Variants in CNTN5 observed in about 807,000 individuals in gnomAD.
The protein encoded by CNTN5 is contactin 5.
A neutral mutation model predicts 129.1 loss-of-function variants in CNTN5; 77 were observed. The ratio of observed to expected loss-of-function variants is 0.60; its 90% CI spans 0.50 to 0.72. The LOEUF is 0.72. CNTN5 is among the 30% of genes least tolerant of loss of function. The probability of loss-of-function intolerance (pLI) is 0.00; values close to 1 mark genes in which losing one functional copy is unlikely to be tolerated. For synonymous variants in CNTN5, 509 were observed against 465.6 expected (o/e 1.09, Z -1.20); for missense variants, 1,478 against 1,328.8 (o/e 1.11, Z -1.75).
intron 21 of CNTN5, among the ~76,000 whole-genome samples, chr11:100,339,353 TGGA>T (rs771959291): frequency 5.3e-5 from 8 of 151,976 alleles, no homozygotes; most frequent in Non-Finnish European, 7.4e-5. Flanking sequence ...TGGCTCTCAG[TGGA>T]GAAGGGAGCT....
At chr11:99,674,045 A>G (rs979487645) in intron 3 of CNTN5, among the ~76,000 whole-genome samples, 1 of 152,144 alleles carries the variant, frequency 6.6e-6, no homozygotes, top group Non-Finnish European at 1.5e-5. Flanking sequence ...TGTTTTCCAC[A>G]ATGGTTGAAC....
chr11:100,217,068 C>G (rs563820385), intron 15 of CNTN5, among the ~76,000 whole-genome samples: 36 of 152,276 alleles, frequency 2.4e-4, no homozygotes, highest in African/African-American at 8.7e-4. Flanking sequence ...TCTTTCCACA[C>G]TAAAATCATT....
chr11:99,560,733 T>C (rs138729242), intron 3 of CNTN5, among the ~76,000 whole-genome samples: 113 of 152,280 alleles, frequency 7.4e-4, no homozygotes, highest in Non-Finnish European at 1.2e-3. Context: ...TTTTTTCCCA[T>C]GTCAGCACTC....
chr11:99,052,604 A>G (rs930792502), intron 1 of CNTN5, among the ~76,000 whole-genome samples: 4 of 151,922 alleles, frequency 2.6e-5, no homozygotes, highest in African/African-American at 9.7e-5. Context: ...TTCGTGAAAC[A>G]TGACTGTATT....
intron 9 of CNTN5, among the ~76,000 whole-genome samples, chr11:100,057,615 G>T (rs1323048893): frequency 6.6e-6 from 1 of 151,710 alleles, no homozygotes; most frequent in Non-Finnish European, 1.5e-5. Flanking sequence ...TTTGCATTTT[G>T]GAGGAATAAA....
chr11:99,746,435 G>C lies in CNTN5; in HGVS notation c.56-73109G>C, dbSNP rs114720814. On this transcript the variant is annotated intron_variant, in intron 3 of 24. Coordinates refer to ENST00000524871, the MANE Select transcript of CNTN5 (RefSeq NM_014361.4). ...TTGTGATCCACTAGTCTACATGAAG[G>C]GTCCTCCACCCCCAGTCACAGACCA... Among the ~76,000 whole-genome samples, 818 of 152,196 alleles carry C rather than the reference G, an allele frequency of 5.4e-3. 13 individuals are homozygous for C. Among genetic ancestry groups the C allele is most frequent in the African/African-American group, 0.017 (712 of 41,516 alleles).
chr11:99,608,029 A>G, intron 3 of CNTN5, among the ~76,000 whole-genome samples: 1 of 145,436 alleles, frequency 6.9e-6, no homozygotes, highest in East Asian at 2.1e-4. Context: ...GCAGCGCACC[A>G]GCATGGCACA....
chr11:99,486,565 A>G (rs2036546), intron 2 of CNTN5, among the ~76,000 whole-genome samples: 149,790 of 152,262 alleles, frequency 0.98, 73,743 homozygotes, highest in East Asian at 1. Flanking sequence ...ATGGTTTAAT[A>G]TGAATTAAAG....
chr11:100,141,020 C>G (rs933700201), intron 13 of CNTN5, among the ~76,000 whole-genome samples: 1 of 151,950 alleles, frequency 6.6e-6, no homozygotes, highest in African/African-American at 2.4e-5. Flanking sequence ...GAAGTATTGT[C>G]GGCAGGAAAA....
intron 9 of CNTN5, among the ~76,000 whole-genome samples, chr11:100,021,328 A>C (rs1052072037): frequency 2.6e-5 from 4 of 152,124 alleles, no homozygotes; most frequent in African/African-American, 9.7e-5. Flanking sequence ...CAAATAGCTT[A>C]AGTTGGTTGA....
chr11:99,312,116 A>G (rs553251172), intron 1 of CNTN5, among the ~76,000 whole-genome samples: 9 of 152,302 alleles, frequency 5.9e-5, no homozygotes, highest in African/African-American at 2.2e-4. Context: ...AGTACAGAAA[A>G]TGTGTTCTGA....
intron 3 of CNTN5, 58 bp from the exon 4 acceptor site, chr11:99,819,486 G>GA (rs1198760414): frequency 3.4e-6 from 5 of 1,459,758 alleles, no homozygotes; most frequent in South Asian, 1.2e-5. Context: ...ATCTTCATAA[G>GA]AAAAAAATAA....
intron 1 of CNTN5, among the ~76,000 whole-genome samples, chr11:99,116,692 C>A (rs1858061956): frequency 6.6e-6 from 1 of 152,030 alleles, no homozygotes; most frequent in Non-Finnish European, 1.5e-5. Context: ...AGAGTATTAT[C>A]TCATCAATGT....
chr11:99,859,216 T>A (rs148441629), intron 6 of CNTN5, among the ~76,000 whole-genome samples: 1 of 152,338 alleles, frequency 6.6e-6, no homozygotes, highest in African/African-American at 2.4e-5. Context: ...AATTTTGAGA[T>A]CAGACTATTG....
At chr11:99,452,199 G>C (rs1944327966) in intron 2 of CNTN5, among the ~76,000 whole-genome samples, 1 of 151,866 alleles carries the variant, frequency 6.6e-6, no homozygotes, top group Admixed American at 6.6e-5. Flanking sequence ...AATGTATACT[G>C]TAAAATACTG....
At chr11:100,128,388 G>A (rs1406835689) in intron 13 of CNTN5, among the ~76,000 whole-genome samples, 3 of 152,184 alleles carry the variant, frequency 2.0e-5, no homozygotes, top group Non-Finnish European at 4.4e-5. Flanking sequence ...CATTGTTCAT[G>A]TTTATTTCAA....
chr11:99,768,525 T>C (rs1439109466), intron 3 of CNTN5, among the ~76,000 whole-genome samples: 1 of 152,160 alleles, frequency 6.6e-6, no homozygotes. Flanking sequence ...TCTTGACCCT[T>C]CTTTAGTCTA....
At chr11:99,682,897 A>G (rs554229740) in intron 3 of CNTN5, among the ~76,000 whole-genome samples, 1 of 152,106 alleles carries the variant, frequency 6.6e-6, no homozygotes, top group African/African-American at 2.4e-5. Context: ...AACATTACTG[A>G]TATCTGTGCA....
chr11:100,142,659 C>T (rs963262601), intron 13 of CNTN5, among the ~76,000 whole-genome samples: 1 of 152,092 alleles, frequency 6.6e-6, no homozygotes, highest in Non-Finnish European at 1.5e-5. Flanking sequence ...GCATTTTTTG[C>T]TGTTGCTGTT....
Sources: gnomAD v4.1 joint callset for allele counts (sites outside exome capture counted in the v4.1 genomes callset) on GRCh38, gnomAD v4.1.1 for gene constraint, MANE v1.5 for transcripts, NCBI Gene and HGNC (gene_info 2026-07-23, HGNC 2026-07-21) for gene names.